AK8: variants seen among roughly 807,000 people sequenced by gnomAD.
The protein encoded by AK8 is adenylate kinase 8.
AK8 carries 44 observed loss-of-function variants against 54.6 expected under a neutral mutation model. The ratio of observed to expected loss-of-function variants is 0.81; its 90% CI spans 0.63 to 1.04. AK8 has a LOEUF of 1.04. AK8 is among the 50% of genes least tolerant of loss of function. The pLI, the probability that AK8 is intolerant of heterozygous loss-of-function variation, is 0.00. For synonymous variants in AK8, 239 were observed against 245.6 expected (o/e 0.97, Z 0.25); for missense variants, 555 against 613.6 (o/e 0.90, Z 1.01).
Position 132,781,699 on chromosome 9 carries a change from A to C in AK8, c.1121+10935T>G, listed in dbSNP as rs1839475922. On this transcript the variant is annotated intron_variant, in intron 11 of 12. Transcript: ENST00000298545. The surrounding 1 kb of genome is among the most constrained non-coding windows in gnomAD (Gnocchi z 4.6). ...TTGATTTCTAGGCTATAATTCTGTC[A>C]AGATTTCCTCCTGGTGTCAAAAACA... 6.6e-6 allele frequency among the ~76,000 whole-genome samples: 1 copy of C among 152,212 alleles called. No individual in the cohort carries two copies. Among genetic ancestry groups the C allele is most frequent in the Non-Finnish European group, 1.5e-5 (1 of 68,046 alleles).
rs999935693 is a variant in AK8 at position 132,826,371 on chromosome 9, G to A, written c.757+483C>T. Among the ~76,000 whole-genome samples the A allele has an allele frequency of 2.0e-5, 3 of 152,218 alleles. No homozygotes were observed. Among genetic ancestry groups the A allele is most frequent in the African/African-American group, 4.8e-5 (2 of 41,456 alleles). On this transcript the variant is annotated intron_variant, in intron 8 of 12. Transcript: ENST00000298545. This position sits in a 1 kb window ranked among gnomAD's most constrained non-coding sequence, Gnocchi z 4.5. The stretch of plus-strand genomic sequence containing the variant: ...ATTGGCCATTGCTGTGGACAGCAAC[G>A]CAGTGCCAGGCGCGGGGCCATGTAT...
intron 10 of AK8, among the ~76,000 whole-genome samples, chr9:132,811,801 A>G (rs1039375457): frequency 2.6e-5 from 4 of 152,230 alleles, no homozygotes; most frequent in Admixed American, 2.0e-4. Flanking sequence ...ATGTTTCTCC[A>G]TACAAGAGTG....
intron 5 of AK8, among the ~76,000 whole-genome samples, chr9:132,848,253 T>A (rs1011020835): frequency 1.3e-5 from 2 of 151,916 alleles, no homozygotes; most frequent in African/African-American, 4.8e-5. Context: ...GATAATGGAT[T>A]AAGGCACACA....
rs886608110 is a variant in AK8, at chr9:132,791,291, T to A, written c.1121+1343A>T. 6.6e-5 allele frequency among the ~76,000 whole-genome samples: 10 copies of A among 152,076 alleles called. No homozygotes were observed. Among genetic ancestry groups the A allele is most frequent in the African/African-American group, 2.4e-4 (10 of 41,392 alleles). ...AACCATCAGATCTCGTGAGAACTCA[T>A]TCACTATCATGAGAACAGCATGGAG... On this transcript the variant is annotated intron_variant, in intron 11 of 12. Coordinates refer to ENST00000298545, the MANE Select transcript of AK8 (RefSeq NM_152572.3). The surrounding 1 kb of genome is among the most constrained non-coding windows in gnomAD (Gnocchi z 4.0).
Position 132,803,810 on chromosome 9 carries a change from C to G in AK8, c.979+10828G>C, listed in dbSNP as rs140966217. ...CCCTGTGACCTGTCTCCTCTTTGTTCCTTCAAGACTAATTCTCTGGGCCGG... is the reference window on the plus strand; with the variant it reads ...CCCTGTGACCTGTCTCCTCTTTGTTGCTTCAAGACTAATTCTCTGGGCCGG... On this transcript the variant is annotated intron_variant, in intron 10 of 12. Coordinates refer to ENST00000298545, the MANE Select transcript of AK8 (RefSeq NM_152572.3). The surrounding 1 kb of genome is among the most constrained non-coding windows in gnomAD (Gnocchi z 4.4). Among the ~76,000 whole-genome samples the G allele has an allele frequency of 1.3e-5, 2 of 152,118 alleles. No homozygotes were observed. The highest frequency in any genetic ancestry group is 1.5e-5 in the Non-Finnish European group (1 of 68,000).
rs955447259 is a variant in AK8, at chr9:132,799,527, G to A, written c.980-6752C>T. ...ACACTACATACATGTCTACACACAC[G>A]ACACCTGACACACTACAACACACAC... On this transcript the variant is annotated intron_variant, in intron 10 of 12. Coordinates refer to ENST00000298545, the MANE Select transcript of AK8 (RefSeq NM_152572.3). This position sits in a 1 kb window ranked among gnomAD's most constrained non-coding sequence, Gnocchi z 5.0. 5.3e-5 allele frequency among the ~76,000 whole-genome samples: 8 copies of A among 150,928 alleles called. No homozygotes were observed. Among genetic ancestry groups the A allele is most frequent in the African/African-American group, 1.2e-4 (5 of 40,952 alleles).
intron 11 of AK8, among the ~76,000 whole-genome samples, chr9:132,754,476 A>C (rs1055957166): frequency 6.6e-6 from 1 of 152,168 alleles, no homozygotes; most frequent in African/African-American, 2.4e-5. Context: ...TAAGCATGCA[A>C]ATGAGAGAAC....
At chr9:132,794,691 T>C (rs1272099894) in intron 10 of AK8, among the ~76,000 whole-genome samples, 2 of 152,248 alleles carry the variant, frequency 1.3e-5, no homozygotes, top group East Asian at 3.8e-4. Context: ...GTTGAATAAA[T>C]AGAAGGCTTC....
At chr9:132,862,609 G>A (rs1316232849) in intron 4 of AK8, among the ~76,000 whole-genome samples, 4 of 152,090 alleles carry the variant, frequency 2.6e-5, no homozygotes, top group African/African-American at 7.2e-5. Context: ...GATCATAGGC[G>A]TGAGTCATTG....
chr9:132,787,285 A>G (rs2131149521), intron 11 of AK8, among the ~76,000 whole-genome samples: 1 of 152,306 alleles, frequency 6.6e-6, no homozygotes, highest in East Asian at 1.9e-4. Context: ...AATTTCTGGT[A>G]CGGTGGAGTA....
rs192217211 is a variant in AK8 at position 132,750,457 on chromosome 9, G to A, written c.1122-22923C>T. Among the ~76,000 whole-genome samples the A allele has an allele frequency of 1.8e-4, 28 of 151,936 alleles. 1 individual carries two copies. The highest frequency in any genetic ancestry group is 1.5e-3 in the Admixed American group (23 of 15,222). ...TCTACACATCTTTCTGTCCGGCATC[G>A]GGGCAGCAGTGGCCAACAGAAGACA... is the stretch of plus-strand genomic sequence containing the variant. On this transcript the variant is annotated intron_variant, in intron 11 of 12. Transcript: ENST00000298545.
In AK8 at chr9:132,791,365, A is replaced by T. The variant is rs912464130; in HGVS notation, c.1121+1269T>A. Among the ~76,000 whole-genome samples the T allele has an allele frequency of 6.6e-6, 1 of 152,152 alleles. No individual in the cohort carries two copies. Among genetic ancestry groups the T allele is most frequent in the African/African-American group, 2.4e-5 (1 of 41,428 alleles). On this transcript the variant is annotated intron_variant, in intron 11 of 12. Transcript: ENST00000298545. The surrounding 1 kb of genome is among the most constrained non-coding windows in gnomAD (Gnocchi z 4.0). ...ACCTCTCACCAGGTCCCTCCCTAAC[A>T]TGTGGGGATTATAGTTCAAGATGAG... is the stretch of plus-strand genomic sequence containing the variant.
chr9:132,855,055 T>C (rs367550131), intron 4 of AK8, 130 bp from the exon 5 acceptor site: 1 of 847,680 alleles, frequency 1.2e-6, no homozygotes. Flanking sequence ...GCCCCGCCCT[T>C]CCTCCACCCG....
At chr9:132,820,405 A>G (rs778495600) in intron 9 of AK8, among the ~76,000 whole-genome samples, 2 of 152,206 alleles carry the variant, frequency 1.3e-5, no homozygotes, top group Non-Finnish European at 2.9e-5. Context: ...TATCACTGAC[A>G]TCAAATCACT....
chr9:132,806,975 T>A (rs1158790134), intron 10 of AK8, among the ~76,000 whole-genome samples: 1 of 152,154 alleles, frequency 6.6e-6, no homozygotes, highest in Admixed American at 6.5e-5. Flanking sequence ...TTAGGAAATG[T>A]AGGGATGTGT....
intron 5 of AK8, among the ~76,000 whole-genome samples, chr9:132,845,802 A>C (rs1842726680): frequency 6.6e-6 from 1 of 150,604 alleles, no homozygotes; most frequent in Non-Finnish European, 1.5e-5. Flanking sequence ...AAAAATGACT[A>C]TTCTAGATCA....
At chr9:132,805,755 C>T (rs931439191) in intron 10 of AK8, among the ~76,000 whole-genome samples, 1 of 152,082 alleles carries the variant, frequency 6.6e-6, no homozygotes, top group South Asian at 2.1e-4. Context: ...AACGCTTTTA[C>T]CCTGCCACTC....
At chr9:132,828,842 AT>A (rs1841989244) in intron 5 of AK8, 116 bp from the exon 6 acceptor site, 5 of 693,614 alleles carry the variant, frequency 7.2e-6, no homozygotes, top group Non-Finnish European at 4.5e-6. Context: ...GACAAAAAAA[AT>A]GTTTCTGATA....
At chr9:132,847,630 T>C (rs1043008628) in intron 5 of AK8, among the ~76,000 whole-genome samples, 3 of 152,064 alleles carry the variant, frequency 2.0e-5, no homozygotes, top group Admixed American at 2.0e-4. Flanking sequence ...CCCCCTATAT[T>C]TGACCAAATT....
Sources: gnomAD v4.1 joint callset for allele counts (sites outside exome capture counted in the v4.1 genomes callset) on GRCh38, gnomAD v4.1.1 for gene constraint, Gnocchi (gnomAD v3.1) non-coding constraint, MANE v1.5 for transcripts, NCBI Gene and HGNC (gene_info 2026-07-23, HGNC 2026-07-21) for gene names.